Variants in NPRL3 observed in about 807,000 individuals in gnomAD.
NPRL3 encodes NPR3 like, GATOR1 complex subunit.
A neutral mutation model predicts 57.2 loss-of-function variants in NPRL3; 23 were observed. That is an observed-to-expected ratio of 0.40 (90% CI 0.29 to 0.57). The LOEUF (loss-of-function observed/expected upper bound fraction) is 0.57, where lower values mean the gene tolerates loss of function less well. Among genes scored for constraint, NPRL3 ranks in the 20% least tolerant of loss-of-function variants. The probability of loss-of-function intolerance (pLI) is 0.42; values close to 1 mark genes in which losing one functional copy is unlikely to be tolerated. For synonymous variants in NPRL3, 333 were observed against 321.1 expected, an observed-to-expected ratio of 1.04 and a Z score of -0.39; for missense variants, 691 against 767.1, an observed-to-expected ratio of 0.90 and a Z score of 1.17.
chr16:106,655 A>G (rs973518790), intron 7 of NPRL3, among the ~76,000 whole-genome samples: 2 of 146,718 alleles, frequency 1.4e-5, no homozygotes, highest in Non-Finnish European at 3.0e-5. Context: ...AAAAAAAAAA[A>G]AAAGAACCAG....
intron 9 of NPRL3, among the ~76,000 whole-genome samples, chr16:97,023 C>T (rs1316798376): frequency 6.6e-6 from 1 of 152,354 alleles, no homozygotes; most frequent in Admixed American, 6.5e-5. Context: ...GGGACCCAGG[C>T]GGGCCCACCT....
chr16:89,882 C>T lies in NPRL3; in HGVS notation c.1182G>A (p.Val394=), dbSNP rs2141902582. ...AVQETQLIQM[V]VWMLQRRLLI... is the part of the protein sequence containing the mutation. Reference sequence around the variant, plus strand: ...GAAGCCGGCGCTGCAGCATCCACACCACCATCTGGATGAGCTGGGTCTGCG... The same window carrying T: ...GAAGCCGGCGCTGCAGCATCCACACTACCATCTGGATGAGCTGGGTCTGCG... The change falls in exon 12 of 14, where the codon GTG becomes GTA. Residue 394 remains valine (V), a synonymous_variant. Coordinates refer to ENST00000611875, the MANE Select transcript of NPRL3 (RefSeq NM_001077350.3). 6.4e-7 allele frequency: 1 copy of T among 1,553,230 alleles called. No homozygotes were observed. Among genetic ancestry groups the T allele is most frequent in the Non-Finnish European group, 8.7e-7 (1 of 1,148,966 alleles).
intron 2 of NPRL3, among the ~76,000 whole-genome samples, chr16:136,500 C>A (rs576275903): frequency 6.6e-6 from 1 of 151,508 alleles, no homozygotes; most frequent in South Asian, 2.1e-4. Context: ...CCAGCCTGGC[C>A]AACATGGTGA....
chr16:89,486 T>G, intron 12 of NPRL3: 1 of 506,034 alleles, frequency 2.0e-6, no homozygotes, highest in South Asian at 3.0e-5. Flanking sequence ...CTGCCCCTAA[T>G]TCTAGCAAGC....
chr16:127,994 C>CT (rs112188139), intron 3 of NPRL3, among the ~76,000 whole-genome samples: 110 of 133,302 alleles, frequency 8.3e-4, no homozygotes, highest in Middle Eastern at 4.1e-3. Flanking sequence ...CCATCTTCTT[C>CT]TTTTTTTTTT....
chr16:92,080 C>T (rs1333859198), intron 11 of NPRL3, among the ~76,000 whole-genome samples: 1 of 152,206 alleles, frequency 6.6e-6, no homozygotes, highest in East Asian at 1.9e-4. Context: ...CCTCTCTAGG[C>T]TCTCTTGAAT....
In NPRL3 at chr16:116,453, C is replaced by A. The variant is rs532756061; in HGVS notation, c.393+848G>T. Among the ~76,000 whole-genome samples, 6 of 152,288 alleles carry A rather than the reference C, an allele frequency of 3.9e-5. No homozygotes were observed. In the East Asian group the frequency reaches 9.6e-4, roughly 24 times the overall value. ...GAAGAACTTCTCCCAGAACCCTGTA[C>A]CCCAGGAGCCATTAACAAATCATTT... On this transcript the variant is annotated intron_variant, in intron 5 of 13. Transcript: ENST00000611875.
In NPRL3 at chr16:127,812, G is replaced by A. The variant is rs1393854170; in HGVS notation, c.188+2710C>T. On this transcript the variant is annotated intron_variant, in intron 3 of 13. Transcript: ENST00000611875. ...TGGGACTACAGGCGCCCGCCACCATGCCCGGATAACTTTTTGTATTTTTAG... is the reference window on the plus strand; with the variant it reads ...TGGGACTACAGGCGCCCGCCACCATACCCGGATAACTTTTTGTATTTTTAG... 3.3e-5 allele frequency among the ~76,000 whole-genome samples: 5 copies of A among 151,518 alleles called. 1 individual carries two copies. The South Asian group carries it at 1.0e-3, about 32-fold the overall frequency.
At chr16:126,543 G>A (rs1277993615) in intron 3 of NPRL3, among the ~76,000 whole-genome samples, 1 of 152,084 alleles carries the variant, frequency 6.6e-6, no homozygotes, top group Admixed American at 6.5e-5. Flanking sequence ...CTGAGGTAGT[G>A]GCCTAAGCAC....
Position 92,742 on chromosome 16 carries a change from ATGCCAGTGAG to A in NPRL3, c.1032-27_1032-18del. On this transcript the variant is annotated intron_variant, in intron 10 of 13. Coordinates refer to ENST00000611875, the MANE Select transcript of NPRL3 (RefSeq NM_001077350.3). ...GGGGAGTACCTGCAGGCAGGTGAGCATGCCAGTGAGTGCAGCAGACCCCCCCACCGTGTTC... is the reference window on the plus strand; with the variant it reads ...GGGGAGTACCTGCAGGCAGGTGAGCATGCAGCAGACCCCCCCACCGTGTTC... 1 of 1,612,494 alleles carries A rather than the reference ATGCCAGTGAG, an allele frequency of 6.2e-7. No homozygotes were observed. The highest frequency in any genetic ancestry group is 2.2e-5 in the East Asian group (1 of 44,830).
chr16:125,733 G>C (rs1022601185), intron 3 of NPRL3: 1 of 152,252 alleles, frequency 6.6e-6, no homozygotes, highest in Admixed American at 6.5e-5. Flanking sequence ...GGATGCGATG[G>C]CTGGGCAGAG....
At chr16:127,371 G>C (rs931097017) in intron 3 of NPRL3, among the ~76,000 whole-genome samples, 15 of 151,628 alleles carry the variant, frequency 9.9e-5, no homozygotes, top group Admixed American at 9.9e-4. Flanking sequence ...CAGTGGCTGG[G>C]ACTAAGGGCG....
At chr16:136,687 C>CAAA (rs78093894) in intron 2 of NPRL3, among the ~76,000 whole-genome samples, 3 of 85,228 alleles carry the variant, frequency 3.5e-5, no homozygotes, top group Admixed American at 2.8e-4. Context: ...AGACTCGTCT[C>CAAA]AAAAAAAAAA....
At chr16:134,713 T>A (rs1900981434) in intron 2 of NPRL3, among the ~76,000 whole-genome samples, 2 of 141,594 alleles carry the variant, frequency 1.4e-5, no homozygotes, top group African/African-American at 5.1e-5. Flanking sequence ...TTTTTTTTTT[T>A]TTTTTTGAGA....
chr16:132,009 T>TTTC (rs1900832740), intron 2 of NPRL3, among the ~76,000 whole-genome samples: 1 of 37,764 alleles, frequency 2.6e-5, no homozygotes, highest in African/African-American at 9.0e-5. Flanking sequence ...TCTTTCTTTC[T>TTTC]TTTTTTTTTT....
intron 2 of NPRL3, among the ~76,000 whole-genome samples, chr16:134,607 A>C (rs186711080): frequency 6.6e-6 from 1 of 151,966 alleles, no homozygotes; most frequent in East Asian, 1.9e-4. Flanking sequence ...ATAATAAAGC[A>C]CAGCCAGGAT....
chr16:110,098 C>T (rs527506046), intron 7 of NPRL3, among the ~76,000 whole-genome samples: 8 of 152,096 alleles, frequency 5.3e-5, no homozygotes, highest in South Asian at 2.1e-4. Context: ...GCAGAAACCC[C>T]GTCTCTACTA....
At chr16:131,155 C>G (rs143894629) in intron 2 of NPRL3, among the ~76,000 whole-genome samples, 17 of 152,000 alleles carry the variant, frequency 1.1e-4, no homozygotes, top group Non-Finnish European at 2.2e-4. Context: ...GCCAACATGG[C>G]GAAACCCCGT....
At chr16:128,535 G>A (rs962810096) in intron 3 of NPRL3, among the ~76,000 whole-genome samples, 1 of 152,296 alleles carries the variant, frequency 6.6e-6, no homozygotes, top group East Asian at 1.9e-4. Context: ...TTGGGAGGCC[G>A]AGGCTGGTGG....
Sources: gnomAD v4.1 joint callset for allele counts (sites outside exome capture counted in the v4.1 genomes callset) on GRCh38, gnomAD v4.1.1 for gene constraint, MANE v1.5 for transcripts, NCBI Gene and HGNC (gene_info 2026-07-23, HGNC 2026-07-21) for gene names.